Variants in FOXO3 observed in about 807,000 individuals in gnomAD.
FOXO3 encodes forkhead box protein O3.
FOXO3 carries 4 observed loss-of-function variants against 41.9 expected under a neutral mutation model. The ratio of observed to expected loss-of-function variants is 0.10; its 90% CI spans 0.05 to 0.22. The LOEUF (loss-of-function observed/expected upper bound fraction) is 0.22, where lower values mean the gene tolerates loss of function less well. Among genes scored for constraint, FOXO3 ranks in the 10% least tolerant of loss-of-function variants. The pLI, the probability that FOXO3 is intolerant of heterozygous loss-of-function variation, is 1.00. For missense variants in FOXO3, 534 were observed against 906.8 expected (o/e 0.59, Z 5.28); for synonymous variants, 318 against 389.3 (o/e 0.82, Z 2.16).
At chr6:108,627,634 C>T (rs549149336) in intron 1 of FOXO3, among the ~76,000 whole-genome samples, 11 of 152,118 alleles carry the variant, frequency 7.2e-5, no homozygotes, top group African/African-American at 2.7e-4. Flanking sequence ...CTTCCCTGGG[C>T]CACACTGGAA....
chr6:108,616,923 T>G (rs1194050270), intron 1 of FOXO3, among the ~76,000 whole-genome samples: 1 of 152,218 alleles, frequency 6.6e-6, no homozygotes, highest in Non-Finnish European at 1.5e-5. Context: ...ACTTAGTATG[T>G]TTTCCAGGTT....
Position 108,652,475 on chromosome 6 carries a change from T to C in FOXO3, c.622-10980T>C, listed in dbSNP as rs1778571943. Among the ~76,000 whole-genome samples the C allele has an allele frequency of 1.3e-5, 2 of 152,242 alleles. 1 individual carries two copies. The highest frequency in any genetic ancestry group is 1.3e-4 in the Admixed American group (2 of 15,282). ...ATTTTGTAGTCTTTAAAGCTTCTTA[T>C]TCCTTGGTCACTTGTTAGTGGTGCC... On this transcript the variant is annotated intron_variant, in intron 1 of 2. Transcript: ENST00000406360.
At chr6:108,669,291 A>G (rs1005112707) in intron 2 of FOXO3, among the ~76,000 whole-genome samples, 1 of 152,192 alleles carries the variant, frequency 6.6e-6, no homozygotes, top group African/African-American at 2.4e-5. Context: ...CTACTTCCCA[A>G]AAGGAGTAAA....
intron 1 of FOXO3, among the ~76,000 whole-genome samples, chr6:108,651,869 G>A (rs763506923): frequency 1.3e-5 from 2 of 152,194 alleles, no homozygotes; most frequent in South Asian, 2.1e-4. Flanking sequence ...TCGTCAGTTG[G>A]CAGGCAAAAG....
chr6:108,573,721 C>T (rs1018243872), intron 1 of FOXO3, among the ~76,000 whole-genome samples: 3 of 151,836 alleles, frequency 2.0e-5, no homozygotes, highest in African/African-American at 7.3e-5. Context: ...CCCAGCTACT[C>T]AGGAGGCTGA....
rs1393750597 is a variant in FOXO3, at chr6:108,683,581, G to T, written c.*3789G>T. ...CATGCCTGTAATCCCAGCTACTCTG[G>T]AGGCTGAGGCAGGAGAATCGCTTGA... On this transcript the variant is annotated 3_prime_UTR_variant, in exon 3 of 3. Coordinates refer to ENST00000406360, the MANE Select transcript of FOXO3 (RefSeq NM_001455.4). The T allele has an allele frequency of 6.6e-6, 1 of 152,012 alleles. No homozygotes were observed. The highest frequency in any genetic ancestry group is 2.4e-5 in the African/African-American group (1 of 41,386). The allele number at this position is 152,012 out of a possible 1,614,324, so 9.4% of individuals were successfully genotyped here. A position where few individuals can be genotyped will look rare whatever the true frequency, so the allele number is the denominator to read the frequency against.
At chr6:108,665,522 AAC>A (rs1335021382) in intron 2 of FOXO3, among the ~76,000 whole-genome samples, 1 of 152,194 alleles carries the variant, frequency 6.6e-6, no homozygotes, top group Non-Finnish European at 1.5e-5. Context: ...TCAAGAGCTA[AAC>A]CTTTAAAAAA....
chr6:108,641,071 G>A (rs759994055), intron 1 of FOXO3, among the ~76,000 whole-genome samples: 3 of 151,894 alleles, frequency 2.0e-5, no homozygotes, highest in Non-Finnish European at 2.9e-5. Context: ...CACTACGCCC[G>A]GCTAATTTTT....
chr6:108,616,331 A>AT (rs1459821494), intron 1 of FOXO3, among the ~76,000 whole-genome samples: 3 of 151,566 alleles, frequency 2.0e-5, no homozygotes, highest in Non-Finnish European at 2.9e-5. Context: ...CGCCTGGCTA[A>AT]TTTTTTTATT....
chr6:108,580,640 T>C (rs1776391394), intron 1 of FOXO3, among the ~76,000 whole-genome samples: 1 of 152,220 alleles, frequency 6.6e-6, no homozygotes, highest in Admixed American at 6.5e-5. Flanking sequence ...TTATCCAAGC[T>C]TCAGGGATCT....
intron 1 of FOXO3, among the ~76,000 whole-genome samples, chr6:108,651,541 A>G (rs1352093685): frequency 6.6e-6 from 1 of 152,236 alleles, no homozygotes; most frequent in East Asian, 1.9e-4. Context: ...TTTCTGAGCC[A>G]TAACATCTGA....
chr6:108,613,611 C>G (rs909935325), intron 1 of FOXO3, among the ~76,000 whole-genome samples: 1 of 152,074 alleles, frequency 6.6e-6, no homozygotes, highest in African/African-American at 2.4e-5. Context: ...TTTGTCTTAA[C>G]TCCCTTTCCC....
intron 1 of FOXO3, among the ~76,000 whole-genome samples, chr6:108,605,848 A>G (rs1777184514): frequency 6.6e-6 from 1 of 152,242 alleles, no homozygotes; most frequent in African/African-American, 2.4e-5. Flanking sequence ...AGCAAATTAG[A>G]TGAAAATTAG....
chr6:108,593,451 C>T (rs981577128), intron 1 of FOXO3, among the ~76,000 whole-genome samples: 1 of 151,336 alleles, frequency 6.6e-6, no homozygotes. Flanking sequence ...GATCTTAGCT[C>T]ACTGTAACCT....
intron 1 of FOXO3, among the ~76,000 whole-genome samples, chr6:108,622,688 C>T (rs1777702470): frequency 6.6e-6 from 1 of 152,080 alleles, no homozygotes; most frequent in Non-Finnish European, 1.5e-5. Context: ...TCTTACTGGA[C>T]GCCCCCTTCC....
chr6:108,563,957 G>GTT (rs1191964328), intron 1 of FOXO3, among the ~76,000 whole-genome samples: 3 of 143,456 alleles, frequency 2.1e-5, no homozygotes. Flanking sequence ...TTGTCTTATG[G>GTT]TTTTTTTTTT....
chr6:108,651,359 A>C (rs965481128), intron 1 of FOXO3, among the ~76,000 whole-genome samples: 5 of 152,244 alleles, frequency 3.3e-5, no homozygotes, highest in Non-Finnish European at 7.3e-5. Flanking sequence ...TATAAATGCT[A>C]ACCCAAACTT....
chr6:108,571,798 C>G (rs563380866), intron 1 of FOXO3, among the ~76,000 whole-genome samples: 1 of 152,092 alleles, frequency 6.6e-6, no homozygotes, highest in African/African-American at 2.4e-5. Flanking sequence ...CATGGTAATT[C>G]GTTATGGCAG....
At chr6:108,603,455 C>T (rs7775437) in intron 1 of FOXO3, among the ~76,000 whole-genome samples, 3,226 of 152,222 alleles carry the variant, frequency 0.021, 119 homozygotes, top group African/African-American at 0.072. Context: ...GAAAACTTTT[C>T]ACTTTCTCGG....
Sources: allele counts gnomAD v4.1 joint callset (sites outside exome capture counted in the v4.1 genomes callset), GRCh38; gene constraint gnomAD v4.1.1; transcripts MANE v1.5; gene names NCBI Gene and HGNC (gene_info 2026-07-23, HGNC 2026-07-21).